ZNF385B: variants seen among roughly 807,000 people sequenced by gnomAD.
ZNF385B encodes the protein zinc finger protein 533.
In ZNF385B, 23 loss-of-function variants were observed where a neutral mutation model predicts 39.2. That is an observed-to-expected ratio of 0.59 (90% confidence interval 0.42 to 0.83). ZNF385B has a LOEUF of 0.83. Ranked by LOEUF, ZNF385B falls within the 40% of genes least tolerant of loss-of-function variation. The probability of loss-of-function intolerance (pLI) is 0.00; values close to 1 mark genes in which losing one functional copy is unlikely to be tolerated. For synonymous variants in ZNF385B, 205 were observed against 222.6 expected, an observed-to-expected ratio of 0.92 and a Z score of 0.70; for missense variants, 552 against 598.9, an observed-to-expected ratio of 0.92 and a Z score of 0.82.
intron 3 of ZNF385B, among the ~76,000 whole-genome samples, chr2:179,690,747 C>A (rs1012829647): frequency 3.9e-5 from 6 of 152,192 alleles, no homozygotes; most frequent in Non-Finnish European, 8.8e-5. Flanking sequence ...TGGGGTCACA[C>A]CTTCTTCGCA....
chr2:179,785,626 G>GT (rs1704950000), intron 1 of ZNF385B, among the ~76,000 whole-genome samples: 1 of 152,144 alleles, frequency 6.6e-6, no homozygotes, highest in African/African-American at 2.4e-5. Flanking sequence ...AGTGGAGGAA[G>GT]TAACTGCAGG....
rs1200683747 is a variant in ZNF385B, at chr2:179,777,777, T to TTC, written c.-154-7106_-154-7105insGA. Among the ~76,000 whole-genome samples, 3 of 151,612 alleles carry TTC rather than the reference T, an allele frequency of 2.0e-5. No homozygotes were observed. In the East Asian group the frequency reaches 5.8e-4, roughly 29 times the overall value. On this transcript the variant is annotated intron_variant, in intron 1 of 9. Transcript: ENST00000410066. ...CTTCCTTATATCAAGAGGTTTTTTT[T>TTC]TTTTTTTCTTTTTGGGATGGATGCT...
Position 179,455,681 on chromosome 2 carries a change from A to T in ZNF385B, c.716-8911T>A, listed in dbSNP as rs188776828. 1.6e-3 allele frequency among the ~76,000 whole-genome samples: 239 copies of T among 152,150 alleles called. 5 individuals are homozygous for T. The highest frequency in any genetic ancestry group is 0.014 in the Admixed American group (221 of 15,272). On this transcript the variant is annotated intron_variant, in intron 6 of 9. Transcript: ENST00000410066. ...TGAGGCAGGCAGATCACTCGAGGTC[A>T]GTATGAGACCAGCCTGGCCAACATG...
At chr2:179,847,167 T>A (rs1226585264) in intron 1 of ZNF385B, among the ~76,000 whole-genome samples, 1 of 152,212 alleles carries the variant, frequency 6.6e-6, no homozygotes, top group Non-Finnish European at 1.5e-5. Flanking sequence ...ATATTCTTCA[T>A]AAAACTGCTG....
rs186641283 is a variant in ZNF385B, at chr2:179,676,379, C to A, written c.298+93124G>T. On this transcript the variant is annotated intron_variant, in intron 3 of 9. Coordinates refer to ENST00000410066, the MANE Select transcript of ZNF385B (RefSeq NM_152520.6). Reference sequence around the variant, plus strand: ...CTGGGATTACAGGCGTGAGCCACCACGCCCAGCCTAATTTTTTTGTATTTT... The same window carrying A: ...CTGGGATTACAGGCGTGAGCCACCAAGCCCAGCCTAATTTTTTTGTATTTT... 6.9e-3 allele frequency among the ~76,000 whole-genome samples: 1,045 copies of A among 151,132 alleles called. 12 individuals are homozygous for A. Among genetic ancestry groups the A allele is most frequent in the African/African-American group, 0.023 (933 of 41,000 alleles).
chr2:179,698,239 T>C (rs982260256), intron 3 of ZNF385B, among the ~76,000 whole-genome samples: 1 of 152,166 alleles, frequency 6.6e-6, no homozygotes, highest in African/African-American at 2.4e-5. Context: ...AGATAGTTTT[T>C]AGTGAGTCCT....
At chr2:179,608,306 A>T (rs1688994093) in intron 3 of ZNF385B, among the ~76,000 whole-genome samples, 1 of 151,036 alleles carries the variant, frequency 6.6e-6, no homozygotes, top group Admixed American at 6.6e-5. Context: ...AATCCAGAAT[A>T]GAAGGGGTGC....
chr2:179,838,326 C>T (rs1209449378), intron 1 of ZNF385B, among the ~76,000 whole-genome samples: 1 of 152,174 alleles, frequency 6.6e-6, no homozygotes, highest in South Asian at 2.1e-4. Context: ...AAGCATGAAC[C>T]ACTGATTACA....
chr2:179,751,683 TG>T (rs969164571), intron 3 of ZNF385B, among the ~76,000 whole-genome samples: 21 of 152,062 alleles, frequency 1.4e-4, no homozygotes, highest in Admixed American at 1.2e-3. Context: ...CAGAGGATCC[TG>T]GGGGCGTCAA....
chr2:179,734,098 T>A (rs1292632891), intron 3 of ZNF385B, among the ~76,000 whole-genome samples: 1 of 152,234 alleles, frequency 6.6e-6, no homozygotes, highest in African/African-American at 2.4e-5. Context: ...TCTTATTATT[T>A]TAAATTACTG....
chr2:179,745,647 A>G, intron 3 of ZNF385B: 1 of 1,398,656 alleles, frequency 7.1e-7, no homozygotes, highest in Non-Finnish European at 9.6e-7. Flanking sequence ...TCAGCATAAC[A>G]TACAAAAGAA....
chr2:179,454,534 A>G (rs1157418453), intron 6 of ZNF385B, among the ~76,000 whole-genome samples: 1 of 152,186 alleles, frequency 6.6e-6, no homozygotes, highest in Non-Finnish European at 1.5e-5. Context: ...TATCTGTAAA[A>G]TGGCCTCAGG....
At chr2:179,594,749 A>G (rs1687853703) in intron 3 of ZNF385B, among the ~76,000 whole-genome samples, 1 of 151,946 alleles carries the variant, frequency 6.6e-6, no homozygotes, top group Admixed American at 6.6e-5. Context: ...ACAATATCTT[A>G]TTCAAACCAT....
At chr2:179,841,584 C>T (rs1454550792) in intron 1 of ZNF385B, among the ~76,000 whole-genome samples, 1 of 152,200 alleles carries the variant, frequency 6.6e-6, no homozygotes, top group Non-Finnish European at 1.5e-5. Flanking sequence ...GTGGGATCCT[C>T]ATGTGGGTTG....
intron 5 of ZNF385B, among the ~76,000 whole-genome samples, chr2:179,504,624 C>A (rs959228989): frequency 1.3e-5 from 2 of 151,642 alleles, no homozygotes; most frequent in African/African-American, 2.4e-5. Context: ...TCTCTGATGG[C>A]CAGTGATGAT....
At chr2:179,530,196 A>C (rs919848302) in intron 4 of ZNF385B, among the ~76,000 whole-genome samples, 3 of 152,312 alleles carry the variant, frequency 2.0e-5, no homozygotes, top group East Asian at 1.9e-4. Flanking sequence ...AACAATCCCC[A>C]AAATTGTCCT....
intron 3 of ZNF385B, among the ~76,000 whole-genome samples, chr2:179,565,542 G>A (rs995816704): frequency 6.6e-6 from 1 of 152,184 alleles, no homozygotes; most frequent in Non-Finnish European, 1.5e-5. Flanking sequence ...TCTCTCTCAA[G>A]GACAGGACCC....
At chr2:179,566,585 G>A (rs1684605912) in intron 3 of ZNF385B, among the ~76,000 whole-genome samples, 1 of 152,094 alleles carries the variant, frequency 6.6e-6, no homozygotes. Flanking sequence ...AACGTGACTT[G>A]GTTAAAGAAT....
At chr2:179,658,505 G>A (rs1412362871) in intron 3 of ZNF385B, among the ~76,000 whole-genome samples, 1 of 152,190 alleles carries the variant, frequency 6.6e-6, no homozygotes, top group African/African-American at 2.4e-5. Flanking sequence ...GTTAGAAGCA[G>A]TCTTGAGGAG....
Sources: gnomAD v4.1 joint callset for allele counts (sites outside exome capture counted in the v4.1 genomes callset) on GRCh38, gnomAD v4.1.1 for gene constraint, MANE v1.5 for transcripts, NCBI Gene and HGNC (gene_info 2026-07-23, HGNC 2026-07-21) for gene names.